The following LRRC49 variants were observed in gnomAD, a reference collection of about 807,000 sequenced individuals.
LRRC49 encodes leucine rich repeat containing 49.
LRRC49 carries 50 observed loss-of-function variants against 83.3 expected under a neutral mutation model. The ratio of observed to expected loss-of-function variants is 0.60; its 90% CI spans 0.48 to 0.76. The LOEUF (loss-of-function observed/expected upper bound fraction) is 0.76. Among genes scored for constraint, LRRC49 ranks in the 30% least tolerant of loss-of-function variants. The probability of loss-of-function intolerance (pLI) is 0.00; values close to 1 mark genes in which losing one functional copy is unlikely to be tolerated. For synonymous variants in LRRC49, 286 were observed against 283.3 expected (o/e 1.01, Z -0.10); for missense variants, 704 against 809.1 (o/e 0.87, Z 1.58).
Position 70,943,836 on chromosome 15 carries a change from C to A in LRRC49, c.773+7014C>A, listed in dbSNP as rs115259064. On this transcript the variant is annotated intron_variant, in intron 8 of 15. Coordinates refer to ENST00000260382, the MANE Select transcript of LRRC49 (RefSeq NM_017691.5). ...ATTGGGAGACTGCCTTTCCCTGGTG[C>A]CTGCTGCAACCAATTCTTATTTTAG... is the stretch of plus-strand genomic sequence containing the variant. Among the ~76,000 whole-genome samples the A allele has an allele frequency of 4.5e-3, 682 of 152,270 alleles. 6 individuals are homozygous for A. The highest frequency in any genetic ancestry group is 0.016 in the African/African-American group (663 of 41,550).
At chr15:70,916,299 T>G (rs1596016150) in intron 6 of LRRC49, among the ~76,000 whole-genome samples, 1 of 152,064 alleles carries the variant, frequency 6.6e-6, no homozygotes, top group Non-Finnish European at 1.5e-5. Context: ...TTTATTATTA[T>G]TATTATTATT....
At chr15:70,896,003 G>A (rs2033821396) in intron 3 of LRRC49, 67 bp downstream of exon 3, 1 of 894,050 alleles carries the variant, frequency 1.1e-6, no homozygotes, top group Non-Finnish European at 1.7e-6. Flanking sequence ...GTTTAATAAT[G>A]TTGAATTACT....
intron 15 of LRRC49, among the ~76,000 whole-genome samples, chr15:71,040,181 A>G (rs531741803): frequency 4.6e-4 from 70 of 152,336 alleles, no homozygotes; most frequent in Middle Eastern, 6.8e-3. Flanking sequence ...AATAAATTTC[A>G]CACAATTCAA....
intron 7 of LRRC49, 70 bp from the exon 8 acceptor site, chr15:70,936,691 C>T: frequency 1.1e-6 from 1 of 918,560 alleles, no homozygotes. Context: ...ATTTCAATAG[C>T]TTAGCAAGAA....
At chr15:70,985,539 A>G (rs113793306) in intron 11 of LRRC49, among the ~76,000 whole-genome samples, 5,410 of 152,272 alleles carry the variant, frequency 0.036, 152 homozygotes, top group Middle Eastern at 0.061. Context: ...GCCCTTTGTC[A>G]CATGAGTAGG....
intron 14 of LRRC49, among the ~76,000 whole-genome samples, chr15:71,024,324 G>A (rs1370654018): frequency 6.6e-6 from 1 of 152,166 alleles, no homozygotes; most frequent in African/African-American, 2.4e-5. Flanking sequence ...CCTCAACAAG[G>A]GTTGCCAGAC....
intron 14 of LRRC49, among the ~76,000 whole-genome samples, chr15:71,013,750 G>C (rs2038735691): frequency 6.6e-6 from 1 of 152,156 alleles, no homozygotes; most frequent in African/African-American, 2.4e-5. Flanking sequence ...ATATTTGAAA[G>C]CGTTGAGGAA....
chr15:70,882,742 T>C (rs752468296), intron 2 of LRRC49: 5 of 1,613,974 alleles, frequency 3.1e-6, no homozygotes, highest in Non-Finnish European at 2.5e-6. Context: ...GCTTAATCCA[T>C]TGAAGAGTCA....
At chr15:70,943,112 T>C (rs909202442) in intron 8 of LRRC49, among the ~76,000 whole-genome samples, 1 of 152,192 alleles carries the variant, frequency 6.6e-6, no homozygotes, top group Non-Finnish European at 1.5e-5. Context: ...TTAAGGATTA[T>C]TGAGTTTTGT....
intron 1 of LRRC49, among the ~76,000 whole-genome samples, chr15:70,868,356 T>C (rs561338228): frequency 2.6e-4 from 40 of 152,320 alleles, no homozygotes; most frequent in African/African-American, 9.4e-4. Context: ...GCCATCCAAT[T>C]ATTACAACTC....
intron 14 of LRRC49, among the ~76,000 whole-genome samples, chr15:71,022,297 C>A (rs942162756): frequency 1.3e-5 from 2 of 152,024 alleles, no homozygotes; most frequent in Non-Finnish European, 2.9e-5. Flanking sequence ...CACTTGAACC[C>A]AGGAGGCAGA....
intron 6 of LRRC49, among the ~76,000 whole-genome samples, chr15:70,912,098 T>A (rs1453869983): frequency 6.6e-6 from 1 of 152,168 alleles, no homozygotes; most frequent in Non-Finnish European, 1.5e-5. Context: ...TCATCTAGTG[T>A]TTACTTTTTG....
At chr15:70,971,796 CCTTTT>C (rs2037011328) in intron 9 of LRRC49, among the ~76,000 whole-genome samples, 1 of 89,856 alleles carries the variant, frequency 1.1e-5, no homozygotes, top group Non-Finnish European at 2.1e-5. Context: ...TGTAACCACT[CCTTTT>C]TTTTTTTTTT....
At chr15:70,923,065 A>G (rs1299546849) in intron 7 of LRRC49, among the ~76,000 whole-genome samples, 1 of 151,986 alleles carries the variant, frequency 6.6e-6, no homozygotes, top group Non-Finnish European at 1.5e-5. Flanking sequence ...TCTTCCCATA[A>G]GTCTTGAAAT....
At chr15:70,962,703 A>C (rs1318413132) in intron 8 of LRRC49, among the ~76,000 whole-genome samples, 1 of 152,188 alleles carries the variant, frequency 6.6e-6, no homozygotes, top group East Asian at 1.9e-4. Flanking sequence ...GAACAATTTG[A>C]ACAACAAAAT....
At position 70,896,431 on chromosome 15, in the gene LRRC49, T is replaced by C. The variant is rs144578291; in HGVS notation, c.193+495T>C. On this transcript the variant is annotated intron_variant, in intron 3 of 15. Coordinates refer to ENST00000260382, the MANE Select transcript of LRRC49 (RefSeq NM_017691.5). ...ACATTCTTAGTGCTCCCCCTCCATCTTCCCCATTCTGATTTTGTAGGTCTT... is the reference window on the plus strand; with the variant it reads ...ACATTCTTAGTGCTCCCCCTCCATCCTCCCCATTCTGATTTTGTAGGTCTT... 3.5e-3 allele frequency among the ~76,000 whole-genome samples: 535 copies of C among 152,286 alleles called. 4 individuals carry two copies. The highest frequency in any genetic ancestry group is 0.012 in the African/African-American group (512 of 41,578).
intron 8 of LRRC49, among the ~76,000 whole-genome samples, chr15:70,942,743 G>A (rs527490388): frequency 2.4e-4 from 37 of 152,204 alleles, no homozygotes; most frequent in Non-Finnish European, 1.3e-4. Flanking sequence ...AGGGAGGCAC[G>A]AGACATCAAT....
In LRRC49 at chr15:70,871,582, G is replaced by C. The variant is rs984955770; in HGVS notation, c.-298-1326G>C. ...CGGCGCGGCTGGCCGGGCGGGGGCT[G>C]CCCCCCACCTCCTGGACGGGGTGGC... On this transcript the variant is annotated intron_variant, in intron 1 of 16. Transcript: ENST00000544974. Among the ~76,000 whole-genome samples, 6 of 150,196 alleles carry C rather than the reference G, an allele frequency of 4.0e-5. No homozygotes were observed. In the East Asian group the frequency reaches 1.2e-3, roughly 30 times the overall value.
At chr15:70,929,493 G>A (rs573031342) in intron 7 of LRRC49, among the ~76,000 whole-genome samples, 27 of 152,268 alleles carry the variant, frequency 1.8e-4, no homozygotes, top group East Asian at 1.5e-3. Flanking sequence ...GGGTCTTGCC[G>A]TGATGTTAAT....
Sources: gnomAD v4.1 joint callset for allele counts (sites outside exome capture counted in the v4.1 genomes callset) on GRCh38, gnomAD v4.1.1 for gene constraint, MANE v1.5 for transcripts, NCBI Gene and HGNC (gene_info 2026-07-23, HGNC 2026-07-21) for gene names.